Variants in REXO2 observed in about 807,000 individuals in gnomAD.
The protein encoded by REXO2 is RNA exonuclease 2, also known as oligoribonuclease, mitochondrial.
Under a neutral mutation model 30.9 loss-of-function variants are expected in REXO2, and 17 were observed. The observed-to-expected ratio is 0.55, with a 90% CI of 0.38 to 0.82. REXO2 has a LOEUF of 0.82. Ranked by LOEUF, REXO2 falls within the 40% of genes least tolerant of loss-of-function variation. The pLI is 0.00. For missense variants in REXO2, 253 were observed against 293.2 expected (o/e 0.86, Z 1.00); for synonymous variants, 105 against 99.6 (o/e 1.05, Z -0.32).
At chr11:114,443,273 A>AT (rs368759864) in intron 2 of REXO2, among the ~76,000 whole-genome samples, 137 of 138,544 alleles carry the variant, frequency 9.9e-4, no homozygotes, top group East Asian at 2.7e-3. Context: ...GGCCCACCTA[A>AT]TTTTTTTTTT....
chr11:114,439,510 T>C lies in REXO2; in HGVS notation c.-19T>C, dbSNP rs778789641. 1.2e-6 allele frequency: 2 copies of C among 1,602,238 alleles called. No individual in the cohort carries two copies. Among genetic ancestry groups the C allele is most frequent in the South Asian group, 1.1e-5 (1 of 90,860 alleles). On this transcript the variant is annotated 5_prime_UTR_variant, in exon 1 of 7. Transcript: ENST00000265881. ...AGCGCCGGCTGCGAGACTGGGGCCG[T>C]GGCTGCTGGTCCCGGGTGATGCTAG...
intron 6 of REXO2, 34 bp from the exon 7 acceptor site, chr11:114,449,812 G>T: frequency 6.3e-7 from 1 of 1,582,982 alleles, no homozygotes; most frequent in South Asian, 1.2e-5. Context: ...CCTGGTTTTG[G>T]ACAGTTCATT....
intron 2 of REXO2, 90 bp downstream of exon 2, chr11:114,440,829 A>G: frequency 1.9e-6 from 2 of 1,056,010 alleles, no homozygotes; most frequent in Non-Finnish European, 2.9e-6. Flanking sequence ...TTAAAAAATA[A>G]GAAAGTTGAG....
chr11:114,439,788 G>A lies in REXO2; in HGVS notation c.147+113G>A, dbSNP rs1946462422. The A allele has an allele frequency of 8.3e-6, 11 of 1,329,734 alleles. No homozygotes were observed. In the South Asian group the frequency reaches 1.2e-4, roughly 15 times the overall value. The allele number at this position is 1,329,734 out of a possible 1,614,324, so 82.4% of individuals were successfully genotyped here. A position where few individuals can be genotyped will look rare whatever the true frequency, so the allele number is the denominator to read the frequency against. ...GGGGTCTGGGTCTCAGGTGTGGCAG[G>A]TGAGCGCGGCCGGCCACGGGCGGTG... is the stretch of plus-strand genomic sequence containing the variant. On this transcript the variant is annotated intron_variant, in intron 1 of 6. Coordinates refer to ENST00000265881, the MANE Select transcript of REXO2 (RefSeq NM_015523.4).
intron 1 of REXO2, chr11:114,440,168 T>C (rs1487765484): frequency 2.2e-6 from 1 of 461,692 alleles, no homozygotes; most frequent in African/African-American, 2.0e-5. Flanking sequence ...AGTGAGAGTC[T>C]GAGTTGAGAC....
At chr11:114,441,508 T>G (rs967754629) in intron 2 of REXO2, among the ~76,000 whole-genome samples, 1 of 152,184 alleles carries the variant, frequency 6.6e-6, no homozygotes, top group Admixed American at 6.5e-5. Context: ...CATGAAACAT[T>G]TAATAAGGAT....
intron 1 of REXO2, among the ~76,000 whole-genome samples, chr11:114,439,957 T>C (rs1275127760): frequency 6.6e-6 from 1 of 152,142 alleles, no homozygotes; most frequent in African/African-American, 2.4e-5. Flanking sequence ...CCTAACGCTC[T>C]GGCGTCTCTG....
At chr11:114,441,863 A>G (rs1229196729) in intron 2 of REXO2, 1 of 642,636 alleles carries the variant, frequency 1.6e-6, no homozygotes, top group Admixed American at 2.4e-5. Flanking sequence ...CATCATAACA[A>G]CTTTTTTAAC....
intron 2 of REXO2, chr11:114,441,979 A>G (rs1488416416): frequency 1.8e-6 from 1 of 555,876 alleles, no homozygotes; most frequent in African/African-American, 1.9e-5. Flanking sequence ...TTACCAGTCT[A>G]ACTTACCCTT....
At chr11:114,439,956 C>G (rs1347539318) in intron 1 of REXO2, among the ~76,000 whole-genome samples, 1 of 152,180 alleles carries the variant, frequency 6.6e-6, no homozygotes, top group Non-Finnish European at 1.5e-5. Flanking sequence ...TCCTAACGCT[C>G]TGGCGTCTCT....
intron 3 of REXO2, 42 bp downstream of exon 3, chr11:114,443,975 T>C (rs763259090): frequency 7.0e-7 from 1 of 1,435,696 alleles, no homozygotes; most frequent in Non-Finnish European, 9.7e-7. Flanking sequence ...TGGGGATCAG[T>C]AGCAAGCTTT....
chr11:114,443,167 G>C (rs78407612), intron 2 of REXO2, among the ~76,000 whole-genome samples: 6,310 of 151,612 alleles, frequency 0.042, 154 homozygotes, highest in Middle Eastern at 0.092. Context: ...TTGGAGTGCA[G>C]TGGCATGTAG....
chr11:114,448,054 C>T (rs566320712), intron 6 of REXO2, among the ~76,000 whole-genome samples, 175 bp downstream of exon 6: 3 of 152,072 alleles, frequency 2.0e-5, no homozygotes, highest in Non-Finnish European at 2.9e-5. Context: ...TTCCAGTGTT[C>T]CATTCTGAGA....
At chr11:114,443,795 C>T (rs1244992017) in intron 2 of REXO2, 61 bp from the exon 3 acceptor site, 4 of 1,234,720 alleles carry the variant, frequency 3.2e-6, no homozygotes, top group East Asian at 2.4e-5. Flanking sequence ...TTAAGCTTTC[C>T]CTCTGAAAGT....
chr11:114,440,518 G>T, intron 1 of REXO2, 138 bp from the exon 2 acceptor site: 1 of 644,098 alleles, frequency 1.6e-6, no homozygotes, highest in Non-Finnish European at 2.7e-6. Context: ...GTAGTTGCCC[G>T]AGGAGCATTC....
At chr11:114,449,233 G>A (rs1407092059) in intron 6 of REXO2, 2 of 152,232 alleles carry the variant, frequency 1.3e-5, no homozygotes, top group East Asian at 3.8e-4. Flanking sequence ...CCTCTGGTAT[G>A]GTTAGGTACT....
intron 3 of REXO2, chr11:114,444,307 CT>C: frequency 1.6e-6 from 1 of 626,792 alleles, no homozygotes; most frequent in Non-Finnish European, 2.9e-6. Flanking sequence ...TGAACACCGT[CT>C]TTTTTGACTG....
rs963340795 is a variant in REXO2, at chr11:114,439,737, G to A, written c.147+62G>A. 4 of 1,435,498 alleles carry A rather than the reference G, an allele frequency of 2.8e-6. No individual in the cohort carries two copies. The African/African-American group carries it at 4.4e-5, about 16-fold the overall frequency. 88.9% of individuals were successfully genotyped at this position (1,435,498 alleles called of 1,614,324 possible). A position where few individuals can be genotyped will look rare whatever the true frequency, so the allele number is the denominator to read the frequency against. On this transcript the variant is annotated intron_variant, in intron 1 of 6. Coordinates refer to ENST00000265881, the MANE Select transcript of REXO2 (RefSeq NM_015523.4). ...GAGGTTTCGCTCGTGGAACCGAGGA[G>A]TCGAGCCCGTCCTGGGAGAGCGTTG...
intron 4 of REXO2, 50 bp from the exon 5 acceptor site, chr11:114,445,929 T>C (rs1402684503): frequency 2.1e-6 from 2 of 973,294 alleles, no homozygotes; most frequent in Non-Finnish European, 3.3e-6. Context: ...TGATATCCTG[T>C]TGTATAATAC....
Sources: gnomAD v4.1 joint callset for allele counts (sites outside exome capture counted in the v4.1 genomes callset) on GRCh38, gnomAD v4.1.1 for gene constraint, MANE v1.5 for transcripts, NCBI Gene and HGNC (gene_info 2026-07-23, HGNC 2026-07-21) for gene names.